Variants in NRXN3 observed in about 807,000 individuals in gnomAD.
NRXN3 encodes neurexin III.
In NRXN3, 32 loss-of-function variants were observed where a neutral mutation model predicts 137.6. The ratio of observed to expected loss-of-function variants is 0.23; its 90% CI spans 0.18 to 0.31. The LOEUF is 0.31. Ranked by LOEUF, NRXN3 falls within the 10% of genes least tolerant of loss-of-function variation. The probability of loss-of-function intolerance (pLI) is 1.00; values close to 1 mark genes in which losing one functional copy is unlikely to be tolerated. For missense variants in NRXN3, 1,574 were observed against 2,062.5 expected (o/e 0.76, Z 4.59); for synonymous variants, 798 against 784.5 (o/e 1.02, Z -0.29).
chr14:79,054,443 A>C (rs1448403566), intron 15 of NRXN3, among the ~76,000 whole-genome samples: 3 of 152,162 alleles, frequency 2.0e-5, no homozygotes, highest in African/African-American at 7.2e-5. Context: ...CTCCTACCCC[A>C]TGCATTTACA....
chr14:79,105,340 C>T (rs2052209039), intron 15 of NRXN3, among the ~76,000 whole-genome samples: 1 of 152,048 alleles, frequency 6.6e-6, no homozygotes, highest in Admixed American at 6.6e-5. Context: ...GTCTACCTTT[C>T]CATAAAAATG....
At chr14:78,737,598 G>A (rs1470965139) in intron 8 of NRXN3, among the ~76,000 whole-genome samples, 1 of 151,932 alleles carries the variant, frequency 6.6e-6, no homozygotes, top group Non-Finnish European at 1.5e-5. Context: ...AGGAGGGATA[G>A]AGTTTACTGG....
intron 6 of NRXN3, among the ~76,000 whole-genome samples, chr14:78,672,702 C>T (rs1249064507): frequency 6.6e-6 from 1 of 152,190 alleles, no homozygotes; most frequent in Non-Finnish European, 1.5e-5. Context: ...AACATGCTTG[C>T]TGTGTGACCG....
chr14:79,677,672 C>T (rs1401847788), intron 17 of NRXN3, among the ~76,000 whole-genome samples: 1 of 152,116 alleles, frequency 6.6e-6, no homozygotes, highest in African/African-American at 2.4e-5. Flanking sequence ...TTTTGAGCTA[C>T]AAGTAGGTCT....
intron 15 of NRXN3, among the ~76,000 whole-genome samples, chr14:79,046,304 A>G (rs2099633059): frequency 6.6e-6 from 1 of 152,200 alleles, no homozygotes; most frequent in African/African-American, 2.4e-5. Context: ...CTGAGAAAGG[A>G]CAATGAGTAG....
intron 4 of NRXN3, among the ~76,000 whole-genome samples, chr14:78,569,714 C>T (rs975299617): frequency 6.6e-6 from 1 of 152,046 alleles, no homozygotes; most frequent in Non-Finnish European, 1.5e-5. Flanking sequence ...CACCCGCCCC[C>T]ACACCCAGCT....
intron 6 of NRXN3, among the ~76,000 whole-genome samples, chr14:78,658,025 A>G (rs1312719806): frequency 6.6e-6 from 1 of 151,690 alleles, no homozygotes; most frequent in Non-Finnish European, 1.5e-5. Flanking sequence ...TTGTTTCCCA[A>G]GCTGTTGTTT....
At chr14:79,557,037 G>T (rs2097436614) in intron 16 of NRXN3, among the ~76,000 whole-genome samples, 1 of 151,102 alleles carries the variant, frequency 6.6e-6, no homozygotes, top group South Asian at 2.1e-4. Context: ...TTAACCCTCT[G>T]CAGGGTTGAC....
At chr14:78,270,117 T>C (rs971594729) in intron 2 of NRXN3, among the ~76,000 whole-genome samples, 1 of 152,180 alleles carries the variant, frequency 6.6e-6, no homozygotes, top group Admixed American at 6.5e-5. Context: ...CCTGAGCTCA[T>C]GTGTGCAAGA....
intron 15 of NRXN3, among the ~76,000 whole-genome samples, chr14:79,341,043 T>C (rs970039651): frequency 2.0e-5 from 3 of 152,192 alleles, no homozygotes; most frequent in African/African-American, 7.2e-5. Context: ...GGGAGCATTT[T>C]CTTCTGGGTC....
At chr14:78,658,376 T>C (rs931701647) in intron 6 of NRXN3, among the ~76,000 whole-genome samples, 1 of 152,182 alleles carries the variant, frequency 6.6e-6, no homozygotes, top group Non-Finnish European at 1.5e-5. Flanking sequence ...AGGGAGCAAA[T>C]GGGATTAGAC....
At chr14:79,101,639 T>G (rs1343240119) in intron 15 of NRXN3, among the ~76,000 whole-genome samples, 1 of 152,210 alleles carries the variant, frequency 6.6e-6, no homozygotes, top group Non-Finnish European at 1.5e-5. Flanking sequence ...CCATCCTGTG[T>G]GCGGCATGAA....
chr14:79,765,130 G>T (rs2099051826), intron 19 of NRXN3, among the ~76,000 whole-genome samples: 1 of 151,998 alleles, frequency 6.6e-6, no homozygotes, highest in Admixed American at 6.6e-5. Flanking sequence ...TTTATTATTT[G>T]TCAAATTGAA....
rs370446403 is a variant in NRXN3 at position 79,385,805 on chromosome 14, G to A, written c.3263-81416G>A. Among the ~76,000 whole-genome samples the A allele has an allele frequency of 5.3e-4, 80 of 152,212 alleles. 1 individual carries two copies. The South Asian group carries it at 6.4e-3, about 12-fold the overall frequency. The stretch of plus-strand genomic sequence containing the variant: ...GGGATGCAAGGCTGGTTAAACATAC[G>A]CGAATCAATAAATGTAACCCAGCAT... On this transcript the variant is annotated intron_variant, in intron 15 of 20. Transcript: ENST00000335750.
intron 10 of NRXN3, among the ~76,000 whole-genome samples, chr14:78,921,725 A>G (rs915487505): frequency 1.3e-5 from 2 of 152,182 alleles, no homozygotes; most frequent in African/African-American, 2.4e-5. Context: ...CATGCATAAA[A>G]TGATGCCCAC....
chr14:79,695,325 T>C (rs2098731597), intron 18 of NRXN3, among the ~76,000 whole-genome samples: 2 of 151,978 alleles, frequency 1.3e-5, no homozygotes, highest in Admixed American at 6.6e-5. Flanking sequence ...TTCAAGGATA[T>C]TAGAATGTAA....
At chr14:78,626,309 G>T (rs1160504204) in intron 4 of NRXN3, among the ~76,000 whole-genome samples, 3 of 152,172 alleles carry the variant, frequency 2.0e-5, no homozygotes, top group African/African-American at 7.2e-5. Context: ...AAAGGCACCT[G>T]TGTCAATATA....
intron 16 of NRXN3, among the ~76,000 whole-genome samples, chr14:79,560,503 G>GGTTTTTTTTTTTT (rs1567504638): frequency 2.5e-5 from 1 of 39,572 alleles, no homozygotes; most frequent in Non-Finnish European, 5.6e-5. Context: ...AAGATTGTAA[G>GGTTTTTTTTTTTT]CTTTTTTTTT....
At chr14:79,374,619 T>C (rs1189849675) in intron 15 of NRXN3, among the ~76,000 whole-genome samples, 1 of 152,064 alleles carries the variant, frequency 6.6e-6, no homozygotes, top group Non-Finnish European at 1.5e-5. Context: ...AAGCATCCCT[T>C]TGTATTGACC....
Sources: allele counts gnomAD v4.1 joint callset (sites outside exome capture counted in the v4.1 genomes callset), GRCh38; gene constraint gnomAD v4.1.1; transcripts MANE v1.5; gene names NCBI Gene and HGNC (gene_info 2026-07-23, HGNC 2026-07-21).